The following PTPRD variants were observed in gnomAD, a reference collection of about 807,000 sequenced individuals.
The protein encoded by PTPRD is protein tyrosine phosphatase receptor type D, also known as receptor-type tyrosine-protein phosphatase delta.
In PTPRD, 34 loss-of-function variants were observed where a neutral mutation model predicts 214.5. The observed-to-expected ratio is 0.16, with a 90% confidence interval of 0.12 to 0.21. The LOEUF (loss-of-function observed/expected upper bound fraction) is 0.21, where lower values mean the gene tolerates loss of function less well. Among genes scored for constraint, PTPRD ranks in the 10% least tolerant of loss-of-function variants. The pLI is 1.00. For missense variants in PTPRD, 2,545 were observed against 2,398.7 expected, an observed-to-expected ratio of 1.06 and a Z score of -1.27; for synonymous variants, 1,128 against 845.7, an observed-to-expected ratio of 1.33 and a Z score of -5.79.
At chr9:10,148,462 G>C (rs1340960527) in intron 3 of PTPRD, among the ~76,000 whole-genome samples, 1 of 152,046 alleles carries the variant, frequency 6.6e-6, no homozygotes, top group Non-Finnish European at 1.5e-5. Flanking sequence ...TCTTCAATAT[G>C]ATTAGGCAGC....
At chr9:8,997,196 A>G (rs2099400450) in intron 11 of PTPRD, among the ~76,000 whole-genome samples, 1 of 152,106 alleles carries the variant, frequency 6.6e-6, no homozygotes, top group Admixed American at 6.6e-5. Context: ...TTTCATTATT[A>G]TAAATAAAAG....
intron 7 of PTPRD, among the ~76,000 whole-genome samples, chr9:9,669,591 A>G (rs973477725): frequency 8.5e-5 from 13 of 152,196 alleles, no homozygotes; most frequent in Admixed American, 6.5e-4. Context: ...CTTGTTAAAA[A>G]TATCAGATTT....
chr9:9,142,544 C>T (rs1330301334), intron 10 of PTPRD, among the ~76,000 whole-genome samples: 1 of 152,116 alleles, frequency 6.6e-6, no homozygotes, highest in Non-Finnish European at 1.5e-5. Context: ...TTATGTTCAC[C>T]TGGTAGTCTT....
intron 14 of PTPRD, among the ~76,000 whole-genome samples, chr9:8,601,937 G>A (rs974266506): frequency 5.9e-5 from 9 of 152,170 alleles, no homozygotes; most frequent in African/African-American, 1.9e-4. Flanking sequence ...TGGACCTCCA[G>A]TATGGAGATG....
intron 9 of PTPRD, among the ~76,000 whole-genome samples, chr9:9,353,534 G>A (rs543965732): frequency 6.6e-6 from 1 of 151,646 alleles, no homozygotes; most frequent in African/African-American, 2.4e-5. Flanking sequence ...CTGGAAAAAT[G>A]CGGTCATTTA....
chr9:9,810,820 A>G lies in PTPRD; in HGVS notation c.-367-43969T>C, dbSNP rs1598460920. Reference sequence around the variant, plus strand: ...CATCTTTTAAAGCTGTAGCTGCCATAGATAGTGACTCTTCTGATGGATCTG... The same window carrying G: ...CATCTTTTAAAGCTGTAGCTGCCATGGATAGTGACTCTTCTGATGGATCTG... On this transcript the variant is annotated intron_variant, in intron 5 of 45. Coordinates refer to ENST00000381196, the MANE Select transcript of PTPRD (RefSeq NM_002839.4). 2.6e-5 allele frequency among the ~76,000 whole-genome samples: 4 copies of G among 151,964 alleles called. No individual in the cohort carries two copies. The South Asian group carries it at 8.3e-4, about 32-fold the overall frequency.
At chr9:8,873,915 A>C (rs1172741671) in intron 11 of PTPRD, among the ~76,000 whole-genome samples, 1 of 152,136 alleles carries the variant, frequency 6.6e-6, no homozygotes, top group East Asian at 1.9e-4. Flanking sequence ...TTTGTGCACC[A>C]TTTTCTAGAC....
At chr9:9,236,346 C>G (rs1277105013) in intron 9 of PTPRD, among the ~76,000 whole-genome samples, 1 of 151,978 alleles carries the variant, frequency 6.6e-6, no homozygotes, top group Non-Finnish European at 1.5e-5. Context: ...ATGGGAAAAT[C>G]AAATTTAAAA....
chr9:8,755,849 C>G (rs2093952619), intron 11 of PTPRD, among the ~76,000 whole-genome samples: 1 of 151,994 alleles, frequency 6.6e-6, no homozygotes, highest in Admixed American at 6.6e-5. Flanking sequence ...AATGACCAGC[C>G]CAAAGCACTG....
intron 9 of PTPRD, among the ~76,000 whole-genome samples, chr9:9,277,021 GC>G (rs1295859865): frequency 6.6e-6 from 1 of 150,964 alleles, no homozygotes; most frequent in African/African-American, 2.4e-5. Flanking sequence ...GAGCACCCCT[GC>G]TTTCGCCACT....
rs540513217 is a variant in PTPRD at position 9,225,235 on chromosome 9, T to A, written c.-202-41872A>T. Reference sequence around the variant, plus strand: ...TGGTTTCTAGAGAAAAAAATTTTTTTAAATTATGTCTATGATTAGCTCATC... The same window carrying A: ...TGGTTTCTAGAGAAAAAAATTTTTTAAAATTATGTCTATGATTAGCTCATC... On this transcript the variant is annotated intron_variant, in intron 9 of 45. Transcript: ENST00000381196. Among the ~76,000 whole-genome samples, 3 of 152,160 alleles carry A rather than the reference T, an allele frequency of 2.0e-5. No homozygotes were observed. In the South Asian group the frequency reaches 6.2e-4, roughly 32 times the overall value.
chr9:8,525,430 T>C (rs2073849161), intron 17 of PTPRD, among the ~76,000 whole-genome samples: 2 of 151,972 alleles, frequency 1.3e-5, no homozygotes, highest in South Asian at 2.1e-4. Flanking sequence ...GCGCAAAAGA[T>C]AGGTACGCTC....
chr9:10,141,512 G>C (rs1159602909), intron 3 of PTPRD, among the ~76,000 whole-genome samples: 4 of 152,074 alleles, frequency 2.6e-5, no homozygotes, highest in Non-Finnish European at 4.4e-5. Context: ...TTGCTTCAAA[G>C]AGAATAAAAT....
intron 44 of PTPRD, among the ~76,000 whole-genome samples, chr9:8,321,526 T>TATATATATATATA (rs1327118226): frequency 8.6e-6 from 1 of 115,762 alleles, no homozygotes; most frequent in Non-Finnish European, 1.8e-5. Flanking sequence ...TATATATATA[T>TATATATATATATA]AAAAGGTATA....
At chr9:10,182,593 A>G (rs991114523) in intron 3 of PTPRD, among the ~76,000 whole-genome samples, 1 of 152,164 alleles carries the variant, frequency 6.6e-6, no homozygotes, top group Non-Finnish European at 1.5e-5. Flanking sequence ...ACAGAGGGGG[A>G]AACCAAAATG....
At chr9:10,591,968 C>G (rs2075566252) in intron 2 of PTPRD, among the ~76,000 whole-genome samples, 1 of 152,066 alleles carries the variant, frequency 6.6e-6, no homozygotes, top group African/African-American at 2.4e-5. Context: ...GTAAGAGATT[C>G]TGAGCTAGAA....
chr9:9,753,184 G>C (rs947474338), intron 6 of PTPRD, among the ~76,000 whole-genome samples: 1 of 151,924 alleles, frequency 6.6e-6, no homozygotes, highest in African/African-American at 2.4e-5. Flanking sequence ...CTTTCCCCAA[G>C]GACATCACTA....
chr9:8,527,448 A>G, intron 15 of PTPRD, 95 bp from the exon 16 acceptor site: 2 of 1,050,336 alleles, frequency 1.9e-6, no homozygotes, highest in South Asian at 1.4e-5. Context: ...AAAGCTTTAT[A>G]TACTAAATCA....
intron 7 of PTPRD, among the ~76,000 whole-genome samples, chr9:9,615,788 T>C (rs758555496): frequency 6.6e-6 from 1 of 152,160 alleles, no homozygotes; most frequent in African/African-American, 2.4e-5. Flanking sequence ...AAAGTGAGTA[T>C]TATAATCCAC....
Sources: allele counts gnomAD v4.1 joint callset (sites outside exome capture counted in the v4.1 genomes callset), GRCh38; gene constraint gnomAD v4.1.1; transcripts MANE v1.5; gene names NCBI Gene and HGNC (gene_info 2026-07-23, HGNC 2026-07-21).